The following FMN1 variants were observed in gnomAD, a reference collection of about 807,000 sequenced individuals.
The protein encoded by FMN1 is formin-1.
In FMN1, 110 loss-of-function variants were observed where a neutral mutation model predicts 132.4. That is an observed-to-expected ratio of 0.83 (90% CI 0.71 to 0.97). The LOEUF is 0.97. Among genes scored for constraint, FMN1 ranks in the 50% least tolerant of loss-of-function variants. The pLI, the probability that FMN1 is intolerant of heterozygous loss-of-function variation, is 0.00. For synonymous variants in FMN1, 722 were observed against 651.7 expected (o/e 1.11, Z -1.64); for missense variants, 1,792 against 1,705.3 (o/e 1.05, Z -0.90).
intron 2 of FMN1, among the ~76,000 whole-genome samples, chr15:33,193,099 TA>T (rs1284966568): frequency 1.3e-5 from 2 of 152,216 alleles, no homozygotes. Flanking sequence ...GCAATATGTC[TA>T]ACTATTCATT....
chr15:33,175,089 G>T (rs1021509955), intron 3 of FMN1, among the ~76,000 whole-genome samples: 8 of 151,966 alleles, frequency 5.3e-5, no homozygotes, highest in Non-Finnish European at 1.2e-4. Flanking sequence ...GCAGTGGCAT[G>T]ATTATGGCTC....
At chr15:32,840,605 C>T (rs2058725152) in intron 17 of FMN1, among the ~76,000 whole-genome samples, 2 of 152,204 alleles carry the variant, frequency 1.3e-5, no homozygotes, top group Admixed American at 1.3e-4. Context: ...CCAGGGATCT[C>T]AGAAGCTTGG....
At chr15:33,133,297 G>T (rs2140231879) in intron 4 of FMN1, among the ~76,000 whole-genome samples, 1 of 152,348 alleles carries the variant, frequency 6.6e-6, no homozygotes, top group South Asian at 2.1e-4. Flanking sequence ...TCTAGTCCCA[G>T]TTCCAGCACC....
chr15:32,803,368 C>T (rs994456491), intron 18 of FMN1, among the ~76,000 whole-genome samples: 11 of 152,192 alleles, frequency 7.2e-5, no homozygotes, highest in Non-Finnish European at 1.3e-4. Context: ...GAGAGCCACA[C>T]TGACTAACCT....
chr15:32,895,784 G>A (rs1235477386), intron 15 of FMN1, among the ~76,000 whole-genome samples: 1 of 151,660 alleles, frequency 6.6e-6, no homozygotes, highest in Non-Finnish European at 1.5e-5. Flanking sequence ...CTATTATGTT[G>A]TAAACATTTT....
At chr15:32,991,768 A>C (rs1382591945) in intron 7 of FMN1, among the ~76,000 whole-genome samples, 1 of 152,202 alleles carries the variant, frequency 6.6e-6, no homozygotes, top group Admixed American at 6.5e-5. Flanking sequence ...AAAAGAAACC[A>C]TCCCACAAGG....
At chr15:32,776,596 A>G (rs2056424966) in intron 20 of FMN1, among the ~76,000 whole-genome samples, 1 of 152,082 alleles carries the variant, frequency 6.6e-6, no homozygotes, top group East Asian at 1.9e-4. Flanking sequence ...GTGAAATGGT[A>G]AGTGACTAAA....
chr15:33,192,027 G>A (rs4238562), intron 2 of FMN1, among the ~76,000 whole-genome samples: 106,093 of 152,136 alleles, frequency 0.7, 37,280 homozygotes, highest in African/African-American at 0.78. Context: ...GCCCCTAAAC[G>A]TGGTCATACT....
intron 17 of FMN1, among the ~76,000 whole-genome samples, chr15:32,839,500 C>A (rs1255202760): frequency 1.3e-5 from 2 of 152,100 alleles, no homozygotes; most frequent in Non-Finnish European, 2.9e-5. Context: ...GATTCCACAG[C>A]AGGGCACTTT....
chr15:32,861,222 A>G (rs1452465468), intron 16 of FMN1, among the ~76,000 whole-genome samples: 1 of 152,208 alleles, frequency 6.6e-6, no homozygotes, highest in African/African-American at 2.4e-5. Flanking sequence ...AACGCCTGAC[A>G]ATAACTCCTT....
At chr15:32,970,299 T>A (rs909970953) in intron 7 of FMN1, among the ~76,000 whole-genome samples, 3 of 152,222 alleles carry the variant, frequency 2.0e-5, no homozygotes, top group African/African-American at 2.4e-5. Context: ...CTATTACAGT[T>A]AATTGGAAAG....
intron 19 of FMN1, among the ~76,000 whole-genome samples, chr15:32,786,687 G>A (rs979412177): frequency 3.3e-5 from 5 of 152,156 alleles, no homozygotes; most frequent in African/African-American, 1.2e-4. Context: ...TTTGAATAGA[G>A]AAGATTGAGG....
intron 6 of FMN1, among the ~76,000 whole-genome samples, chr15:33,015,076 C>G (rs1360374851): frequency 6.6e-6 from 1 of 152,194 alleles, no homozygotes; most frequent in East Asian, 1.9e-4. Context: ...TTTCCTAAAA[C>G]CACATGCTAG....
intron 9 of FMN1, among the ~76,000 whole-genome samples, chr15:32,948,670 T>C (rs893529313): frequency 2.0e-5 from 3 of 152,076 alleles, no homozygotes; most frequent in South Asian, 2.1e-4. Context: ...GTTCATGGTA[T>C]TGTATTATAC....
chr15:33,123,041 A>G (rs990098281), intron 4 of FMN1, among the ~76,000 whole-genome samples: 2 of 151,632 alleles, frequency 1.3e-5, no homozygotes, highest in African/African-American at 2.4e-5. Context: ...TCACACAACT[A>G]AATAGGTTTA....
chr15:32,990,387 C>A (rs574248150), intron 7 of FMN1, among the ~76,000 whole-genome samples: 6 of 152,246 alleles, frequency 3.9e-5, no homozygotes, highest in Non-Finnish European at 8.8e-5. Flanking sequence ...AACACTGACT[C>A]TCCAGGATCA....
At chr15:33,164,032 A>G (rs1406405166) in intron 3 of FMN1, among the ~76,000 whole-genome samples, 1 of 152,178 alleles carries the variant, frequency 6.6e-6, no homozygotes, top group Non-Finnish European at 1.5e-5. Context: ...GAAACATGGG[A>G]AAAAAGGCAC....
intron 6 of FMN1, among the ~76,000 whole-genome samples, chr15:33,026,266 C>T (rs1272243718): frequency 1.3e-5 from 2 of 151,868 alleles, no homozygotes; most frequent in African/African-American, 4.8e-5. Flanking sequence ...GGGGCCTCAA[C>T]ACTGGTTTTA....
intron 2 of FMN1, among the ~76,000 whole-genome samples, chr15:33,187,047 C>G (rs1256015607): frequency 6.6e-6 from 1 of 152,156 alleles, no homozygotes; most frequent in Non-Finnish European, 1.5e-5. Flanking sequence ...GGACCCCACA[C>G]CTATATATTG....
Sources: gnomAD v4.1 joint callset for allele counts (sites outside exome capture counted in the v4.1 genomes callset) on GRCh38, gnomAD v4.1.1 for gene constraint, MANE v1.5 for transcripts, NCBI Gene and HGNC (gene_info 2026-07-23, HGNC 2026-07-21) for gene names.